The following CIMIP2A variants were observed in gnomAD, a reference collection of about 807,000 sequenced individuals.
The protein encoded by CIMIP2A is family with sequence similarity 166 member A.
chr9:137,244,804 C>T, the CIMIP2A span: 5 of 1,585,810 alleles, frequency 3.2e-6, no homozygotes, highest in Non-Finnish European at 4.3e-6. Flanking sequence ...ACCCACCTGC[C>T]CTCAGACGTG....
At chr9:137,252,782 G>A in the CIMIP2A span, 1 of 1,562,094 alleles carries the variant, frequency 6.4e-7, no homozygotes, top group Non-Finnish European at 8.7e-7. Context: ...GCTGCCTGGG[G>A]CTAGGGGGCT....
At chr9:137,253,415 G>C in the CIMIP2A span, 1 of 1,456,494 alleles carries the variant, frequency 6.9e-7, no homozygotes, top group Non-Finnish European at 9.0e-7. Flanking sequence ...CTGTGGACAA[G>C]GCTGGCCCAG....
At chr9:137,246,410 C>A in the CIMIP2A span, among the ~76,000 whole-genome samples, 1 of 152,180 alleles carries the variant, frequency 6.6e-6, no homozygotes, top group Non-Finnish European at 1.5e-5. Flanking sequence ...TGGTCACAGG[C>A]GGTTCAGCGC....
chr9:137,245,763 C>A, the CIMIP2A span: 2 of 1,574,180 alleles, frequency 1.3e-6, no homozygotes, highest in Non-Finnish European at 1.7e-6. Flanking sequence ...AGGGGCTCTT[C>A]TGCACACTGG....
chr9:137,252,423 T>TC, the CIMIP2A span: 1 of 1,606,838 alleles, frequency 6.2e-7, no homozygotes, highest in East Asian at 2.2e-5. Context: ...TCTCTCTCCA[T>TC]CCTCCAACTA....
chr9:137,250,576 A>ATGTTGGT, the CIMIP2A span: 1 of 152,938 alleles, frequency 6.5e-6, no homozygotes, highest in African/African-American at 2.4e-5. Context: ...ACTGGTGGTC[A>ATGTTGGT]GCTCCAGAGA....
At chr9:137,252,571 G>C in the CIMIP2A span, 1 of 1,501,334 alleles carries the variant, frequency 6.7e-7, no homozygotes, top group Non-Finnish European at 9.0e-7. Context: ...CGCAGGCAGG[G>C]GGCTGGGGGT....
chr9:137,245,387 T>G, the CIMIP2A span: 1 of 1,613,414 alleles, frequency 6.2e-7, no homozygotes, highest in Non-Finnish European at 8.5e-7. Flanking sequence ...CCCAAGTCTC[T>G]GGAGTCTCCC....
chr9:137,251,854 A>C, the CIMIP2A span: 5 of 1,608,284 alleles, frequency 3.1e-6, no homozygotes, highest in Non-Finnish European at 4.2e-6. Context: ...GGCACCCCCC[A>C]GGAGTCCCTG....
chr9:137,251,177 C>T, the CIMIP2A span: 7 of 868,840 alleles, frequency 8.1e-6, no homozygotes, highest in African/African-American at 1.2e-4. Flanking sequence ...GGGGCAGCCC[C>T]TCCAGGGCCA....
chr9:137,253,536 T>A, the CIMIP2A span: 9 of 1,383,398 alleles, frequency 6.5e-6, no homozygotes, highest in Non-Finnish European at 8.4e-6. Context: ...CCTAGAGATA[T>A]GGCTGCCGCT....
At chr9:137,245,525 C>T in the CIMIP2A span, 5 of 1,613,784 alleles carry the variant, frequency 3.1e-6, no homozygotes, top group South Asian at 5.5e-5. Context: ...GGGAGCTGGC[C>T]CAGAATCTCA....
the CIMIP2A span, chr9:137,252,089 C>T: frequency 6.2e-7 from 1 of 1,612,582 alleles, no homozygotes; most frequent in South Asian, 1.1e-5. Context: ...TACGAGAGTC[C>T]TCCCCACACC....
At chr9:137,247,804 G>C in the CIMIP2A span, 1 of 1,326,052 alleles carries the variant, frequency 7.5e-7, no homozygotes, top group Non-Finnish European at 1.1e-6. Flanking sequence ...GGCAACCATT[G>C]TGAGGGGCCA....
At chr9:137,244,144 C>A in the CIMIP2A span, 62 of 1,608,818 alleles carry the variant, frequency 3.9e-5, no homozygotes, top group Non-Finnish European at 5.2e-5. Flanking sequence ...CGGGGTGTGT[C>A]CATGTGACCC....
the CIMIP2A span, chr9:137,244,206 T>A: frequency 1.9e-6 from 3 of 1,613,814 alleles, no homozygotes; most frequent in African/African-American, 4.0e-5. Context: ...GATCAGGCCT[T>A]GGCTGCTGTA....
At chr9:137,244,334 AAC>A in the CIMIP2A span, 1 of 1,611,460 alleles carries the variant, frequency 6.2e-7, no homozygotes, top group Non-Finnish European at 8.5e-7. Context: ...CCGGCAGGCA[AAC>A]AGATAGTCAA....
chr9:137,253,196 G>A, the CIMIP2A span: 37 of 1,609,420 alleles, frequency 2.3e-5, no homozygotes, highest in African/African-American at 4.4e-4. Flanking sequence ...GTCATCCAGG[G>A]TGTACGCAGA....
At chr9:137,246,079 C>T in the CIMIP2A span, among the ~76,000 whole-genome samples, 9 of 152,244 alleles carry the variant, frequency 5.9e-5, no homozygotes, top group South Asian at 8.3e-4. Flanking sequence ...GCTGGGAACA[C>T]GTCAGCACCA....
Sources: gnomAD v4.1 joint callset for allele counts (sites outside exome capture counted in the v4.1 genomes callset) on GRCh38, gnomAD v4.1.1 for gene constraint, MANE v1.5 for transcripts, NCBI Gene and HGNC (gene_info 2026-07-23, HGNC 2026-07-21) for gene names.